Variants in SRRT observed in about 807,000 individuals in gnomAD.
The protein encoded by SRRT is serrate, RNA effector molecule.
In SRRT, 32 loss-of-function variants were observed where a neutral mutation model predicts 103.2. The observed-to-expected ratio is 0.31, with a 90% CI of 0.23 to 0.42. The LOEUF (loss-of-function observed/expected upper bound fraction) is 0.42, where lower values mean the gene tolerates loss of function less well. Ranked by LOEUF, SRRT falls within the 10% of genes least tolerant of loss-of-function variation. The probability of loss-of-function intolerance (pLI) is 1.00; values close to 1 mark genes in which losing one functional copy is unlikely to be tolerated. For missense variants in SRRT, 986 were observed against 1,207.5 expected, an observed-to-expected ratio of 0.82 and a Z score of 2.72; for synonymous variants, 525 against 449.0, an observed-to-expected ratio of 1.17 and a Z score of -2.14.
chr7:100,883,935 ATCTC>A (rs776854259), intron 5 of SRRT, 131 bp from the exon 6 acceptor site: 28 of 968,554 alleles, frequency 2.9e-5, no homozygotes, highest in South Asian at 3.7e-5. Flanking sequence ...CTATCCCTTA[ATCTC>A]TCTATTTTGA....
chr7:100,880,748 T>G, intron 2 of SRRT: 1 of 421,224 alleles, frequency 2.4e-6, no homozygotes, highest in Non-Finnish European at 4.9e-6. Flanking sequence ...CAGTCGAAGC[T>G]TGCTGCAGCC....
intron 13 of SRRT, 117 bp downstream of exon 13, chr7:100,886,552 A>C (rs1790123940): frequency 8.7e-7 from 1 of 1,156,054 alleles, no homozygotes; most frequent in African/African-American, 1.5e-5. Context: ...CTGCTCACTC[A>C]TTTGCCCCTT....
In SRRT at chr7:100,887,099, A is replaced by G. The variant is rs1172108645; in HGVS notation, c.1874A>G (p.Tyr625Cys). ...CGCATCGTGCATTCCTTGGATTATTACAACACCTGTGAGTACCCCAACGAG... is the reference window on the plus strand; with the variant it reads ...CGCATCGTGCATTCCTTGGATTATTGCAACACCTGTGAGTACCCCAACGAG... ...YLRIVHSLDYYNTCEYPNEDE... is the reference protein window; with the variant it reads ...YLRIVHSLDYCNTCEYPNEDE... The change falls in exon 15 of 20, where the codon TAC becomes TGC. Residue 625 changes from tyrosine to cysteine, a missense_variant. Tyr to Cys is a radical substitution (Grantham distance 194). Coordinates refer to ENST00000611405, the MANE Select transcript of SRRT (RefSeq NM_015908.6). This position sits in a 1 kb window ranked among gnomAD's most constrained non-coding sequence, Gnocchi z 4.1. The G allele has an allele frequency of 1.9e-6, 3 of 1,614,058 alleles. No individual in the cohort carries two copies. Among genetic ancestry groups the G allele is most frequent in the Non-Finnish European group, 1.7e-6 (2 of 1,180,042 alleles).
Position 100,887,796 on chromosome 7 carries a change from A to AC in SRRT, c.2264dup (p.Asp756Ter). 6.2e-7 allele frequency: 1 copy of AC among 1,613,350 alleles called. No individual in the cohort carries two copies. Among genetic ancestry groups the AC allele is most frequent in the Non-Finnish European group, 8.5e-7 (1 of 1,179,358 alleles). ...AGTCGCGTTTTTTAACAACTTCCTC[A>AC]CTGATGCTAAGCGCCCAGCTCTGCC... On this transcript the variant is annotated frameshift_variant, in exon 17 of 20. Coordinates refer to ENST00000611405, the MANE Select transcript of SRRT (RefSeq NM_015908.6). LOFTEE classifies it high-confidence loss of function. The surrounding 1 kb of genome is among the most constrained non-coding windows in gnomAD (Gnocchi z 4.1).
chr7:100,887,860 G>A lies in SRRT; in HGVS notation c.2326+1G>A. The A allele has an allele frequency of 6.3e-7, 1 of 1,599,788 alleles. No homozygotes were observed. Among genetic ancestry groups the A allele is most frequent in the Non-Finnish European group, 8.6e-7 (1 of 1,168,366 alleles). On this transcript the variant is annotated splice_donor_variant, in intron 17 of 19. Coordinates refer to ENST00000611405, the MANE Select transcript of SRRT (RefSeq NM_015908.6). LOFTEE classifies it high-confidence loss of function. The surrounding 1 kb of genome is among the most constrained non-coding windows in gnomAD (Gnocchi z 4.1). ...GCCCAGCCACCTGGCCCCGCCCAGAGTAAGATACGATCCATGAAGGTCGCA... is the reference window on the plus strand; with the variant it reads ...GCCCAGCCACCTGGCCCCGCCCAGAATAAGATACGATCCATGAAGGTCGCA...
rs144966688 is a variant in SRRT at position 100,886,311 on chromosome 7, A to G, written c.1523A>G (p.Asn508Ser). ...CTGACCCGGCGCGTTCGCAACATCA[A>G]CGGCATCACCCAGCACAAGCAGATT... The part of the protein sequence containing the change: ...RDLTRRVRNI[N>S]GITQHKQIVR... The change falls in exon 13 of 20, where the codon AAC becomes AGC. Residue 508 changes from asparagine (N) to serine (S), a missense_variant. Physicochemically the swap from Asn to Ser is conservative, Grantham distance 46. Around this residue, in one of 6 missense-constraint regions of SRRT, gnomAD observed 349 missense variants for 446.9 expected, o/e 0.78. Coordinates refer to ENST00000611405, the MANE Select transcript of SRRT (RefSeq NM_015908.6). 849 of 1,613,638 alleles carry G rather than the reference A, an allele frequency of 5.3e-4. 1 individual carries two copies. Among genetic ancestry groups the G allele is most frequent in the Non-Finnish European group, 6.7e-4 (795 of 1,180,012 alleles).
At chr7:100,878,703 G>GTT (rs34773098) in intron 2 of SRRT, among the ~76,000 whole-genome samples, 74 of 149,380 alleles carry the variant, frequency 5.0e-4, no homozygotes, top group East Asian at 2.6e-3. Context: ...CTGATTTTCT[G>GTT]TTTTTTTTTT....
Position 100,884,949 on chromosome 7 carries a change from C to T in SRRT, c.1068C>T (p.His356=). The T allele has an allele frequency of 6.2e-7, 1 of 1,614,016 alleles. No homozygotes were observed. The highest frequency in any genetic ancestry group is 8.5e-7 in the Non-Finnish European group (1 of 1,180,006). Residue 356 remains histidine, a synonymous_variant, in exon 9 of 20, where the codon CAC becomes CAT. Coordinates refer to ENST00000611405, the MANE Select transcript of SRRT (RefSeq NM_015908.6). The part of the protein sequence containing the change: ...KKSSKKRNRK[H]SGDDSFDEGS... ...GTAGCAAGAAGCGGAACCGGAAGCA[C>T]AGTGGTGACGACAGCTTTGACGAGG... is the stretch of plus-strand genomic sequence containing the variant.
At chr7:100,888,014 G>A (rs745869225) in intron 17 of SRRT, 28 bp from the exon 18 acceptor site, 17 of 1,461,308 alleles carry the variant, frequency 1.2e-5, no homozygotes, top group Middle Eastern at 2.2e-4. Flanking sequence ...CCCCGCCCCC[G>A]CAGTAATTCA....
chr7:100,885,629 G>A lies in SRRT; in HGVS notation c.1318-72G>A, dbSNP rs1790018604. On this transcript the variant is annotated intron_variant, in intron 10 of 19. Coordinates refer to ENST00000611405, the MANE Select transcript of SRRT (RefSeq NM_015908.6). The surrounding 1 kb of genome is among the most constrained non-coding windows in gnomAD (Gnocchi z 4.8). ...GCAGTTAGTCCCTAGGGTTCTGAGG[G>A]CAGTGGGGGATTGGAGGAAGAAGCG... 4 of 1,476,594 alleles carry A rather than the reference G, an allele frequency of 2.7e-6. No individual in the cohort carries two copies. Among genetic ancestry groups the A allele is most frequent in the East Asian group, 2.4e-5 (1 of 40,984 alleles). 91.5% of individuals were successfully genotyped at this position (1,476,594 alleles called of 1,614,324 possible).
rs1343448557 is a variant in SRRT, at chr7:100,888,325, C to G, written c.2497C>G (p.Arg833Gly). 2 of 1,614,064 alleles carry G rather than the reference C, an allele frequency of 1.2e-6. No individual in the cohort carries two copies. The highest frequency in any genetic ancestry group is 8.5e-7 in the Non-Finnish European group (1 of 1,179,968). ...PYPHAPYGAG[R>G]GNYDAFRGQG... Reference sequence around the variant, plus strand: ...CCCCCATGCCCCGTATGGTGCTGGTCGAGGGAACTATGATGCCTTCCGAGG... The same window carrying G: ...CCCCCATGCCCCGTATGGTGCTGGTGGAGGGAACTATGATGCCTTCCGAGG... Residue 833 changes from arginine (R) to glycine (G), a missense_variant, in exon 19 of 20, where the codon CGA becomes GGA. Around this residue, in one of 6 missense-constraint regions of SRRT, gnomAD observed 178 missense variants for 189.6 expected, o/e 0.94. Coordinates refer to ENST00000611405, the MANE Select transcript of SRRT (RefSeq NM_015908.6).
rs2115793371 is a variant in SRRT, at chr7:100,881,823, C to T, written c.398+18C>T. On this transcript the variant is annotated intron_variant, in intron 4 of 19. Transcript: ENST00000611405. ...CAGGCCAGGTAAGGGTGGGGCTTCTCAGAAGAGGGTTGGTAGGCCTGGGGG... is the reference window on the plus strand; with the variant it reads ...CAGGCCAGGTAAGGGTGGGGCTTCTTAGAAGAGGGTTGGTAGGCCTGGGGG... 1.3e-6 allele frequency: 2 copies of T among 1,585,718 alleles called. No individual in the cohort carries two copies. Among genetic ancestry groups the T allele is most frequent in the East Asian group, 2.2e-5 (1 of 44,702 alleles).
Position 100,881,685 on chromosome 7 carries a change from A to G in SRRT, c.278A>G (p.His93Arg). 3.1e-6 allele frequency: 5 copies of G among 1,613,502 alleles called. No individual in the cohort carries two copies. Among genetic ancestry groups the G allele is most frequent in the Non-Finnish European group, 4.2e-6 (5 of 1,179,882 alleles). Residue 93 changes from histidine (H) to arginine (R), a missense_variant, in exon 4 of 20, where the codon CAC becomes CGC. By Grantham distance (29) the His-to-Arg change is conservative (BLOSUM62 0). This residue lies in a region of SRRT where 274 missense variants were observed against 358.5 expected (regional missense o/e 0.76). Transcript: ENST00000611405. ...GATGAGCACAGCTCTGACCCATACC[A>G]CAGTGGCTATGAGATGCCCTATGCT... is the stretch of plus-strand genomic sequence containing the variant. ...DWDEHSSDPY[H>R]SGYEMPYAGG...
intron 13 of SRRT, 74 bp downstream of exon 13, chr7:100,886,509 T>G (rs557421082): frequency 6.9e-7 from 1 of 1,449,802 alleles, no homozygotes; most frequent in South Asian, 1.3e-5. Context: ...TGACCTTACC[T>G]ATCTGTAGCC....
chr7:100,876,471 C>G (rs954826929), intron 2 of SRRT, among the ~76,000 whole-genome samples: 1 of 152,268 alleles, frequency 6.6e-6, no homozygotes, highest in African/African-American at 2.4e-5. Context: ...TTTGTAGAGA[C>G]AGCGTCTTGC....
chr7:100,884,977 A>G lies in SRRT; in HGVS notation c.1096A>G (p.Ser366Gly). Residue 366 changes from serine (S) to glycine (G), a missense_variant, in exon 9 of 20, where the codon AGC (serine) becomes GGC (glycine). Around this residue, in one of 6 missense-constraint regions of SRRT, gnomAD observed 166 missense variants for 148.6 expected, o/e 1.12. Coordinates refer to ENST00000611405, the MANE Select transcript of SRRT (RefSeq NM_015908.6). ...TGGTGACGACAGCTTTGACGAGGGC[A>G]GCGTGTCAGAGTCTGAGTCGGAGTC... ...HSGDDSFDEG[S>G]VSESESESES... The G allele has an allele frequency of 6.2e-7, 1 of 1,614,146 alleles. No individual in the cohort carries two copies. The highest frequency in any genetic ancestry group is 8.5e-7 in the Non-Finnish European group (1 of 1,180,020).
Position 100,885,575 on chromosome 7 carries a change from C to T in SRRT, c.1318-126C>T. 2 of 1,198,406 alleles carry T rather than the reference C, an allele frequency of 1.7e-6. No individual in the cohort carries two copies. The highest frequency in any genetic ancestry group is 2.1e-5 in the Admixed American group (1 of 47,004). 74.2% of individuals were successfully genotyped at this position (1,198,406 alleles called of 1,614,324 possible). On this transcript the variant is annotated intron_variant, in intron 10 of 19. Coordinates refer to ENST00000611405, the MANE Select transcript of SRRT (RefSeq NM_015908.6). The surrounding 1 kb of genome is among the most constrained non-coding windows in gnomAD (Gnocchi z 4.8). Reference sequence around the variant, plus strand: ...GTTCTGAAGCCCTTTAGTGGTTTTTCCCTGCCCAAGGATGGGAAGAGTGAT... The same window carrying T: ...GTTCTGAAGCCCTTTAGTGGTTTTTTCCTGCCCAAGGATGGGAAGAGTGAT...
chr7:100,884,210 CT>C lies in SRRT; in HGVS notation c.729del (p.Asp244MetfsTer11). On this transcript the variant is annotated frameshift_variant, in exon 6 of 20. Coordinates refer to ENST00000611405, the MANE Select transcript of SRRT (RefSeq NM_015908.6). LOFTEE classifies it high-confidence loss of function. Reference sequence around the variant, plus strand: ...AACCTTCTCCTGGACATAGACAAAGCTGATGCCATTGTCAAGATGCTGGATG... The same window carrying C: ...AACCTTCTCCTGGACATAGACAAAGCGATGCCATTGTCAAGATGCTGGATG... ...FDNLLLDIDK[A>X]DAIVKMLDAA... 1 of 1,614,144 alleles carries C rather than the reference CT, an allele frequency of 6.2e-7. No homozygotes were observed. The highest frequency in any genetic ancestry group is 8.5e-7 in the Non-Finnish European group (1 of 1,180,016).
At position 100,887,661 on chromosome 7, in the gene SRRT, C is replaced by T. The variant is rs769730940; in HGVS notation, c.2170-42C>T. On this transcript the variant is annotated intron_variant, in intron 16 of 19. Coordinates refer to ENST00000611405, the MANE Select transcript of SRRT (RefSeq NM_015908.6). The surrounding 1 kb of genome is among the most constrained non-coding windows in gnomAD (Gnocchi z 4.1). ...CAGCTCGGGCCTGGGAGCGAGGCAA[C>T]CCTTATGTGGCTGTCCTGACCCCTC... 1 of 1,590,904 alleles carries T rather than the reference C, an allele frequency of 6.3e-7. No individual in the cohort carries two copies. Among genetic ancestry groups the T allele is most frequent in the Non-Finnish European group, 8.6e-7 (1 of 1,163,538 alleles).
Sources: gnomAD v4.1 joint callset for allele counts (sites outside exome capture counted in the v4.1 genomes callset) on GRCh38, gnomAD v4.1.1 for gene constraint, gnomAD v4.1.1 regional missense constraint, Gnocchi (gnomAD v3.1) non-coding constraint, MANE v1.5 for transcripts, NCBI Gene and HGNC (gene_info 2026-07-23, HGNC 2026-07-21) for gene names.